Variants in CPXM2 observed in about 807,000 individuals in gnomAD.
The protein encoded by CPXM2 is inactive carboxypeptidase-like protein X2.
CPXM2 carries 66 observed loss-of-function variants against 86.1 expected under a neutral mutation model. The ratio of observed to expected loss-of-function variants is 0.77; its 90% CI spans 0.63 to 0.94. CPXM2 has a LOEUF of 0.94. Among genes scored for constraint, CPXM2 ranks in the 40% least tolerant of loss-of-function variants. The pLI is 0.00. For synonymous variants in CPXM2, 388 were observed against 400.2 expected (o/e 0.97, Z 0.36); for missense variants, 948 against 1,026.3 (o/e 0.92, Z 1.04).
At chr10:123,842,246 A>T (rs1046257491) in intron 4 of CPXM2, 103 bp downstream of exon 4, 4 of 1,481,278 alleles carry the variant, frequency 2.7e-6, no homozygotes, top group Non-Finnish European at 3.7e-6. Context: ...TCTACTGCCC[A>T]TCACCAAACA....
intron 13 of CPXM2, chr10:123,752,323 C>T: frequency 3.0e-6 from 3 of 984,810 alleles, no homozygotes; most frequent in Non-Finnish European, 3.6e-6. Flanking sequence ...TGTGAAGCCT[C>T]ATGGTTCATG....
At chr10:123,837,425 G>A (rs61863838) in intron 4 of CPXM2, among the ~76,000 whole-genome samples, 3,481 of 152,238 alleles carry the variant, frequency 0.023, 73 homozygotes, top group South Asian at 0.09. Flanking sequence ...TCATTTTGTC[G>A]ATTAAAGAGT....
At chr10:123,843,798 G>C (rs1848438935) in intron 3 of CPXM2, among the ~76,000 whole-genome samples, 1 of 152,170 alleles carries the variant, frequency 6.6e-6, no homozygotes, top group Non-Finnish European at 1.5e-5. Flanking sequence ...CAAAACCACA[G>C]TACAGTGTTA....
intron 3 of CPXM2, among the ~76,000 whole-genome samples, chr10:123,847,127 G>A (rs950343922): frequency 2.0e-5 from 3 of 152,082 alleles, no homozygotes; most frequent in Admixed American, 6.5e-5. Flanking sequence ...AGAGGAAAGG[G>A]GTGATAAAAA....
intron 13 of CPXM2, chr10:123,751,788 T>C (rs1846082918): frequency 2.0e-6 from 2 of 985,334 alleles, no homozygotes; most frequent in Non-Finnish European, 2.4e-6. Context: ...CGAAAGATTC[T>C]GAAACAGAAC....
chr10:123,857,555 CGTGG>C (rs1848754031), intron 3 of CPXM2, among the ~76,000 whole-genome samples: 4 of 120,166 alleles, frequency 3.3e-5, no homozygotes, highest in Non-Finnish European at 7.3e-5. Context: ...TGGAAGGCGG[CGTGG>C]AGATGGAAGG....
intron 4 of CPXM2, among the ~76,000 whole-genome samples, chr10:123,840,670 G>A (rs753627241): frequency 6.6e-6 from 1 of 152,176 alleles, no homozygotes; most frequent in Non-Finnish European, 1.5e-5. Flanking sequence ...AAATCTGTTC[G>A]CATAAGGACC....
Position 123,768,483 on chromosome 10 carries a change from C to T in CPXM2, c.1299+43G>A, listed in dbSNP as rs200730488. The T allele has an allele frequency of 9.2e-5, 141 of 1,538,044 alleles. 2 individuals are homozygous for T. Among genetic ancestry groups the T allele is most frequent in the Non-Finnish European group, 1.1e-4 (129 of 1,128,524 alleles). On this transcript the variant is annotated intron_variant, in intron 9 of 13. Coordinates refer to ENST00000241305, the MANE Select transcript of CPXM2 (RefSeq NM_198148.3). ...CAGACATACTCTGGAGCTGGGGCCT[C>T]GCTGCCCATGTCCTATTGGGTGAGA...
At chr10:123,825,444 C>G (rs1848026236) in intron 4 of CPXM2, among the ~76,000 whole-genome samples, 1 of 152,208 alleles carries the variant, frequency 6.6e-6, no homozygotes, top group Admixed American at 6.5e-5. Flanking sequence ...CCATCTTCTT[C>G]TCTCTCCTCA....
chr10:123,750,190 G>A (rs1846044680), intron 13 of CPXM2: 2 of 985,318 alleles, frequency 2.0e-6, no homozygotes, highest in Non-Finnish European at 2.4e-6. Flanking sequence ...TTGTGGCCCT[G>A]TCAGATAAGC....
In CPXM2 at chr10:123,787,095, G is replaced by A. The variant is rs1264130175; in HGVS notation, c.890-6840C>T. ...GGCCACAATCCCTCAGAGGAGGTTG[G>A]CTAAGGCTGGAGTGTCAGTGGTAGG... On this transcript the variant is annotated intron_variant, in intron 6 of 13. Transcript: ENST00000241305. 5.3e-5 allele frequency among the ~76,000 whole-genome samples: 8 copies of A among 152,186 alleles called. No homozygotes were observed. In the East Asian group the frequency reaches 1.5e-3, roughly 29 times the overall value.
intron 1 of CPXM2, among the ~76,000 whole-genome samples, chr10:123,883,891 G>A (rs1467571094): frequency 1.3e-5 from 2 of 152,172 alleles, no homozygotes; most frequent in African/African-American, 4.8e-5. Context: ...TGGAAACAGT[G>A]TGCAGAGAAG....
chr10:123,886,232 A>G (rs1945175837), intron 1 of CPXM2, among the ~76,000 whole-genome samples: 1 of 152,144 alleles, frequency 6.6e-6, no homozygotes, highest in South Asian at 2.1e-4. Flanking sequence ...TAGCATTGTG[A>G]TTGCTTTTTA....
At chr10:123,915,734 G>T (rs1310848580) in intron 2 of CPXM2, among the ~76,000 whole-genome samples, 1 of 152,150 alleles carries the variant, frequency 6.6e-6, no homozygotes, top group Non-Finnish European at 1.5e-5. Flanking sequence ...CATCCTCAGA[G>T]TTGGTCAATA....
At chr10:123,789,140 C>A (rs897472082) in intron 6 of CPXM2, among the ~76,000 whole-genome samples, 6 of 152,174 alleles carry the variant, frequency 3.9e-5, no homozygotes, top group African/African-American at 1.2e-4. Flanking sequence ...TTTGTCCAGA[C>A]CCCATTGACT....
intron 2 of CPXM2, among the ~76,000 whole-genome samples, chr10:123,874,383 C>A (rs1470296836): frequency 6.6e-6 from 1 of 151,040 alleles, no homozygotes; most frequent in Non-Finnish European, 1.5e-5. Context: ...GCCCCAACCA[C>A]ACACACACAC....
intron 4 of CPXM2, among the ~76,000 whole-genome samples, chr10:123,811,913 T>A (rs979038852): frequency 1.3e-5 from 2 of 152,316 alleles, no homozygotes; most frequent in East Asian, 3.9e-4. Context: ...ACCTTTTACA[T>A]TGAAAAGTAA....
intron 2 of CPXM2, among the ~76,000 whole-genome samples, chr10:123,908,183 T>C (rs569248395): frequency 2.6e-5 from 4 of 151,640 alleles, no homozygotes; most frequent in East Asian, 3.9e-4. Context: ...TCAAGTCCAC[T>C]GTTAGGGGTA....
At chr10:123,782,453 T>C (rs1276044486) in intron 6 of CPXM2, among the ~76,000 whole-genome samples, 1 of 152,216 alleles carries the variant, frequency 6.6e-6, no homozygotes. Flanking sequence ...ACATTCTTCC[T>C]TCCTCAAGGC....
Sources: gnomAD v4.1 joint callset for allele counts (sites outside exome capture counted in the v4.1 genomes callset) on GRCh38, gnomAD v4.1.1 for gene constraint, MANE v1.5 for transcripts, NCBI Gene and HGNC (gene_info 2026-07-23, HGNC 2026-07-21) for gene names.